ZNF385B: variants seen among roughly 807,000 people sequenced by gnomAD.
ZNF385B encodes zinc finger protein 385B.
ZNF385B carries 23 observed loss-of-function variants against 39.2 expected under a neutral mutation model. That is an observed-to-expected ratio of 0.59 (90% CI 0.42 to 0.83). The LOEUF is 0.83. ZNF385B is among the 40% of genes least tolerant of loss of function. The pLI is 0.00. For synonymous variants in ZNF385B, 205 were observed against 222.6 expected, an observed-to-expected ratio of 0.92 and a Z score of 0.70; for missense variants, 552 against 598.9, an observed-to-expected ratio of 0.92 and a Z score of 0.82.
At chr2:179,663,565 A>C (rs890671611) in intron 3 of ZNF385B, among the ~76,000 whole-genome samples, 6 of 151,450 alleles carry the variant, frequency 4.0e-5, no homozygotes, top group East Asian at 3.9e-4. Flanking sequence ...AAAAAATTAG[A>C]CGGGCGTGGT....
intron 6 of ZNF385B, among the ~76,000 whole-genome samples, chr2:179,473,696 C>G (rs945746191): frequency 6.6e-6 from 1 of 152,102 alleles, no homozygotes; most frequent in Non-Finnish European, 1.5e-5. Context: ...CTGACAGGCC[C>G]CAGTGTGTGA....
intron 3 of ZNF385B, among the ~76,000 whole-genome samples, chr2:179,628,721 C>T (rs912491626): frequency 1.3e-5 from 2 of 152,102 alleles, no homozygotes; most frequent in East Asian, 1.9e-4. Flanking sequence ...GTTGAGAAAC[C>T]GTGACAAAAG....
rs149794883 is a variant in ZNF385B, at chr2:179,542,768, T to C, written c.441+2059A>G. Reference sequence around the variant, plus strand: ...TATGATCGCAATTGTAAAAAAAAACTGTGACTGGGTACCTTTTAGGTATAT... The same window carrying C: ...TATGATCGCAATTGTAAAAAAAAACCGTGACTGGGTACCTTTTAGGTATAT... On this transcript the variant is annotated intron_variant, in intron 4 of 9. Transcript: ENST00000410066. 9.1e-3 allele frequency among the ~76,000 whole-genome samples: 1,379 copies of C among 152,174 alleles called. 18 individuals carry two copies. Among genetic ancestry groups the C allele is most frequent in the African/African-American group, 0.031 (1,290 of 41,520 alleles).
intron 3 of ZNF385B, among the ~76,000 whole-genome samples, chr2:179,600,920 A>T (rs1286201475): frequency 6.6e-6 from 1 of 152,238 alleles, no homozygotes; most frequent in Non-Finnish European, 1.5e-5. Context: ...CTTACATAAT[A>T]GCAGCATTTA....
chr2:179,674,992 T>C (rs1360158106), intron 3 of ZNF385B, among the ~76,000 whole-genome samples: 1 of 152,190 alleles, frequency 6.6e-6, no homozygotes, highest in African/African-American at 2.4e-5. Context: ...TTGTATACAG[T>C]TACCCTTGAA....
intron 1 of ZNF385B, among the ~76,000 whole-genome samples, chr2:179,797,638 CAG>C (rs1705754507): frequency 6.6e-6 from 1 of 152,134 alleles, no homozygotes; most frequent in Non-Finnish European, 1.5e-5. Context: ...ATTGGTACTT[CAG>C]AGTTTTCCAC....
intron 6 of ZNF385B, among the ~76,000 whole-genome samples, chr2:179,470,443 T>C (rs2052615393): frequency 6.6e-6 from 1 of 152,124 alleles, no homozygotes; most frequent in African/African-American, 2.4e-5. Flanking sequence ...TATGGTCCCA[T>C]GAAACTGAAA....
intron 6 of ZNF385B, among the ~76,000 whole-genome samples, chr2:179,482,997 G>A (rs1212426558): frequency 6.6e-6 from 1 of 151,150 alleles, no homozygotes; most frequent in Non-Finnish European, 1.5e-5. Context: ...TGATCAAGTA[G>A]TCTCTACTTG....
intron 1 of ZNF385B, among the ~76,000 whole-genome samples, chr2:179,818,555 G>A (rs531142607): frequency 3.3e-5 from 5 of 152,156 alleles, no homozygotes; most frequent in South Asian, 4.2e-4. Flanking sequence ...TTAATCTCTC[G>A]CTAGAGTGTT....
At chr2:179,459,493 G>T (rs2051056976) in intron 6 of ZNF385B, among the ~76,000 whole-genome samples, 1 of 151,850 alleles carries the variant, frequency 6.6e-6, no homozygotes, top group Non-Finnish European at 1.5e-5. Flanking sequence ...CACCTATTAT[G>T]TGCTATATAC....
intron 3 of ZNF385B, among the ~76,000 whole-genome samples, chr2:179,750,163 G>A (rs1702590483): frequency 6.6e-6 from 1 of 152,160 alleles, no homozygotes; most frequent in African/African-American, 2.4e-5. Flanking sequence ...TGACACCATT[G>A]AAAACGGCTG....
intron 1 of ZNF385B, among the ~76,000 whole-genome samples, chr2:179,847,330 A>T (rs1463171001): frequency 2.6e-5 from 4 of 152,176 alleles, no homozygotes; most frequent in Non-Finnish European, 5.9e-5. Context: ...TATTCTCAAG[A>T]CACCTAATTA....
chr2:179,855,646 A>G (rs1684534206), intron 1 of ZNF385B, among the ~76,000 whole-genome samples: 1 of 152,194 alleles, frequency 6.6e-6, no homozygotes, highest in African/African-American at 2.4e-5. Context: ...TTCTTTTCAG[A>G]CTGATTACAT....
intron 3 of ZNF385B, among the ~76,000 whole-genome samples, chr2:179,654,511 A>T (rs1400159653): frequency 6.6e-6 from 1 of 152,166 alleles, no homozygotes; most frequent in Non-Finnish European, 1.5e-5. Context: ...TTAATTCAAA[A>T]ATTCCTAGAT....
intron 3 of ZNF385B, among the ~76,000 whole-genome samples, chr2:179,728,357 A>T (rs1701155382): frequency 6.6e-6 from 1 of 152,126 alleles, no homozygotes; most frequent in African/African-American, 2.4e-5. Flanking sequence ...ACTAAAAAAA[A>T]TTAGTCTCAA....
rs575522586 is a variant in ZNF385B at position 179,615,720 on chromosome 2, A to G, written c.299-70751T>C. Among the ~76,000 whole-genome samples the G allele has an allele frequency of 5.3e-5, 8 of 152,298 alleles. No homozygotes were observed. In the South Asian group the frequency reaches 1.7e-3, roughly 32 times the overall value. ...CTATGGCTCTGTAGAAGAGGTACTTATTGAAAATACACAAGCCTTGACCTT... is the reference window on the plus strand; with the variant it reads ...CTATGGCTCTGTAGAAGAGGTACTTGTTGAAAATACACAAGCCTTGACCTT... On this transcript the variant is annotated intron_variant, in intron 3 of 9. Transcript: ENST00000410066.
At chr2:179,658,532 G>A (rs989406014) in intron 3 of ZNF385B, among the ~76,000 whole-genome samples, 4 of 152,162 alleles carry the variant, frequency 2.6e-5, no homozygotes, top group African/African-American at 9.6e-5. Context: ...TGAAAACCTG[G>A]GTCTCCTATT....
chr2:179,565,485 A>G (rs10184486), intron 3 of ZNF385B, among the ~76,000 whole-genome samples: 31,983 of 152,076 alleles, frequency 0.21, 3,594 homozygotes, highest in Middle Eastern at 0.28. Context: ...CCTCAAACTT[A>G]AATGAAAACT....
At chr2:179,705,065 A>T (rs948233800) in intron 3 of ZNF385B, among the ~76,000 whole-genome samples, 3 of 150,840 alleles carry the variant, frequency 2.0e-5, no homozygotes, top group Non-Finnish European at 4.4e-5. Context: ...TCATAAATCT[A>T]TTTTTTTTTG....
Sources: gnomAD v4.1 joint callset for allele counts (sites outside exome capture counted in the v4.1 genomes callset) on GRCh38, gnomAD v4.1.1 for gene constraint, MANE v1.5 for transcripts, NCBI Gene and HGNC (gene_info 2026-07-23, HGNC 2026-07-21) for gene names.